The following SPG11 variants were observed in gnomAD, a reference collection of about 807,000 sequenced individuals.
SPG11 encodes the protein spatacsin.
In SPG11, 222 loss-of-function variants were observed where a neutral mutation model predicts 274.0. The ratio of observed to expected loss-of-function variants is 0.81; its 90% CI spans 0.73 to 0.91. The LOEUF is 0.91. Among genes scored for constraint, SPG11 ranks in the 40% least tolerant of loss-of-function variants. SPG11 has a pLI of 0.00. For missense variants in SPG11, 3,114 were observed against 2,872.7 expected (o/e 1.08, Z -1.92); for synonymous variants, 1,144 against 1,039.7 (o/e 1.10, Z -1.93).
intron 6 of SPG11, among the ~76,000 whole-genome samples, chr15:44,649,399 T>A (rs780036371): frequency 1.1e-4 from 16 of 152,212 alleles, no homozygotes; most frequent in South Asian, 2.1e-4. Context: ...TTTAAAAAAA[T>A]TTTTAAATTG....
In SPG11 at chr15:44,566,200, A is replaced by G; in HGVS notation, c.6843+17T>C. ...CAGCAAGTCCCAAGGCCAGTCTGAA[A>G]AAAGCCTTTGGGTTACCTTGGCATA... On this transcript the variant is annotated intron_variant, in intron 37 of 39. Transcript: ENST00000261866. 1.2e-6 allele frequency: 2 copies of G among 1,613,986 alleles called. No individual in the cohort carries two copies. Among genetic ancestry groups the G allele is most frequent in the Non-Finnish European group, 1.7e-6 (2 of 1,179,832 alleles).
intron 7 of SPG11, among the ~76,000 whole-genome samples, chr15:44,635,882 A>G (rs571291981): frequency 6.6e-6 from 1 of 151,340 alleles, no homozygotes; most frequent in African/African-American, 2.4e-5. Context: ...GCGCCATTGC[A>G]CTCCAGCCTG....
chr15:44,589,398 G>A lies in SPG11; in HGVS notation c.4760C>T (p.Thr1587Ile), dbSNP rs2082846551. The change falls in exon 28 of 40, where the codon ACA (threonine) becomes ATA (isoleucine). Residue 1587 changes from threonine to isoleucine, a missense_variant. Thr to Ile is a moderately conservative substitution (Grantham distance 89). Coordinates refer to ENST00000261866, the MANE Select transcript of SPG11 (RefSeq NM_025137.4). ...GGCAGGGATGACAGGGTGGACCTTT[G>A]TGGCTGCTGTGTTAAGCTATGAAAG... The part of the protein sequence containing the change: ...KSLETLNTAA[T>I]KVHPVIPAMW... 3 of 1,613,986 alleles carry A rather than the reference G, an allele frequency of 1.9e-6. No individual in the cohort carries two copies. Among genetic ancestry groups the A allele is most frequent in the Non-Finnish European group, 2.5e-6 (3 of 1,179,944 alleles).
At chr15:44,565,727 A>C in intron 38 of SPG11, 127 bp downstream of exon 38, 1 of 1,168,508 alleles carries the variant, frequency 8.6e-7, no homozygotes, top group Non-Finnish European at 1.2e-6. Context: ...GGTATCAGAG[A>C]GTTAAATCAG....
At chr15:44,607,859 G>GAAAAA (rs1005976145) in intron 19 of SPG11, among the ~76,000 whole-genome samples, 1 of 152,170 alleles carries the variant, frequency 6.6e-6, no homozygotes, top group Admixed American at 6.5e-5. Context: ...GATTCATTGA[G>GAAAAA]AAGAGATAGT....
At chr15:44,579,051 G>A (rs531432034) in intron 30 of SPG11, among the ~76,000 whole-genome samples, 112 of 152,104 alleles carry the variant, frequency 7.4e-4, no homozygotes, top group African/African-American at 2.4e-3. Context: ...CCAGCTACTC[G>A]GGAGGCTGAG....
chr15:44,654,249 T>C (rs4923985), intron 4 of SPG11, among the ~76,000 whole-genome samples: 103,354 of 152,222 alleles, frequency 0.68, 36,857 homozygotes, highest in African/African-American at 0.91. Flanking sequence ...GTGGCTCATG[T>C]CTGTAATCCC....
intron 30 of SPG11, among the ~76,000 whole-genome samples, chr15:44,578,910 C>T (rs144063427): frequency 6.6e-6 from 1 of 152,156 alleles, no homozygotes; most frequent in Non-Finnish European, 1.5e-5. Flanking sequence ...AATCCCAACA[C>T]TTTGGGAGGC....
chr15:44,564,771 A>C, intron 38 of SPG11, 73 bp from the exon 39 acceptor site: 10 of 1,504,904 alleles, frequency 6.6e-6, no homozygotes, highest in Non-Finnish European at 9.2e-6. Flanking sequence ...CTGTTGTAGA[A>C]AACAATACTG....
At chr15:44,621,464 T>G (rs530746236) in intron 14 of SPG11, 1 of 377,638 alleles carries the variant, frequency 2.6e-6, no homozygotes. Context: ...ATCCCCAATT[T>G]ACACAAGAAG....
Position 44,570,396 on chromosome 15 carries a change from CAAGT to C in SPG11, c.6477+125_6477+128del, listed in dbSNP as rs1412196124. The C allele has an allele frequency of 2.9e-5, 35 of 1,188,058 alleles. No homozygotes were observed. The Middle Eastern group carries it at 7.4e-4, about 25-fold the overall frequency. The allele number at this position is 1,188,058 out of a possible 1,614,324, so 73.6% of individuals were successfully genotyped here. A position where few individuals can be genotyped will look rare whatever the true frequency, so the allele number is the denominator to read the frequency against. Reference sequence around the variant, plus strand: ...AGGGTTGGGCTGCCCAGCCAACTCTCAAGTAGGTAGTGGTATCCAGATGGGCAGA... The same window carrying C: ...AGGGTTGGGCTGCCCAGCCAACTCTCAGGTAGTGGTATCCAGATGGGCAGA... On this transcript the variant is annotated intron_variant, in intron 34 of 39. Coordinates refer to ENST00000261866, the MANE Select transcript of SPG11 (RefSeq NM_025137.4).
chr15:44,600,146 G>A (rs1249657805), intron 21 of SPG11: 1 of 231,518 alleles, frequency 4.3e-6, no homozygotes, highest in Non-Finnish European at 8.6e-6. Context: ...AGGACACACA[G>A]GGAAGCACAA....
chr15:44,569,594 A>G, intron 34 of SPG11, 89 bp from the exon 35 acceptor site: 3 of 982,582 alleles, frequency 3.1e-6, no homozygotes, highest in Non-Finnish European at 4.8e-6. Flanking sequence ...TTGCTTTCAG[A>G]TGCCAAGCTC....
At chr15:44,612,305 A>G (rs543047386) in intron 17 of SPG11, among the ~76,000 whole-genome samples, 12 of 152,340 alleles carry the variant, frequency 7.9e-5, no homozygotes, top group African/African-American at 2.9e-4. Context: ...AAGTACAGTG[A>G]AGATAACTGG....
At chr15:44,647,885 G>T (rs1238420237) in intron 7 of SPG11, among the ~76,000 whole-genome samples, 1 of 152,164 alleles carries the variant, frequency 6.6e-6, no homozygotes, top group Non-Finnish European at 1.5e-5. Flanking sequence ...CATTTTAAAA[G>T]GGTGAATTTT....
At chr15:44,615,615 A>T in intron 15 of SPG11, 49 bp from the exon 16 acceptor site, 1 of 1,541,078 alleles carries the variant, frequency 6.5e-7, no homozygotes, top group South Asian at 1.1e-5. Flanking sequence ...CTATGTTCAG[A>T]GTAGACCAAA....
rs2084372791 is a variant in SPG11 at position 44,639,312 on chromosome 15, T to TGGAGAGAC, written c.1603-5683_1603-5676dup. Among the ~76,000 whole-genome samples, 4 of 146,102 alleles carry TGGAGAGAC rather than the reference T, an allele frequency of 2.7e-5. No homozygotes were observed. In the South Asian group the frequency reaches 8.7e-4, roughly 32 times the overall value. On this transcript the variant is annotated intron_variant, in intron 7 of 39. Coordinates refer to ENST00000261866, the MANE Select transcript of SPG11 (RefSeq NM_025137.4). ...ACACACACACACACACACACAGAGA[T>TGGAGAGAC]GGAGAGACAGAGAGAGAGCGTGTGT...
chr15:44,597,857 A>T (rs891344548), intron 23 of SPG11, among the ~76,000 whole-genome samples: 32 of 152,320 alleles, frequency 2.1e-4, no homozygotes, highest in Non-Finnish European at 4.1e-4. Context: ...AAAAGTAAGG[A>T]CATGACTTAA....
intron 1 of SPG11, among the ~76,000 whole-genome samples, chr15:44,662,810 C>T (rs2085155457): frequency 6.6e-6 from 1 of 152,194 alleles, no homozygotes; most frequent in South Asian, 2.1e-4. Context: ...AACATGCGCG[C>T]CTCGCAAGAA....
Sources: allele counts gnomAD v4.1 joint callset (sites outside exome capture counted in the v4.1 genomes callset), GRCh38; gene constraint gnomAD v4.1.1; transcripts MANE v1.5; gene names NCBI Gene and HGNC (gene_info 2026-07-23, HGNC 2026-07-21).